Variants in PRKN observed in about 807,000 individuals in gnomAD.
The protein encoded by PRKN is E3 ubiquitin-protein ligase parkin.
Under a neutral mutation model 59.5 loss-of-function variants are expected in PRKN, and 56 were observed. That is an observed-to-expected ratio of 0.94 (90% CI 0.76 to 1.18). PRKN has a LOEUF of 1.18. PRKN is among the 50% of genes most tolerant of loss of function. The probability of loss-of-function intolerance (pLI) is 0.00; values close to 1 mark genes in which losing one functional copy is unlikely to be tolerated. For missense variants in PRKN, 657 were observed against 596.4 expected, an observed-to-expected ratio of 1.10 and a Z score of -1.06; for synonymous variants, 250 against 222.1, an observed-to-expected ratio of 1.13 and a Z score of -1.12.
intron 1 of PRKN, among the ~76,000 whole-genome samples, chr6:162,588,538 T>C (rs1781163578): frequency 6.6e-6 from 1 of 152,064 alleles, no homozygotes; most frequent in Non-Finnish European, 1.5e-5. Context: ...TGCTTTGCTT[T>C]ATTAGAGCAG....
chr6:161,655,873 C>G (rs1205559390), intron 7 of PRKN, among the ~76,000 whole-genome samples: 2 of 47,922 alleles, frequency 4.2e-5, no homozygotes, highest in Non-Finnish European at 8.6e-5. Flanking sequence ...CATGCACACA[C>G]ACACACACAC....
chr6:161,380,059 T>C lies in PRKN; in HGVS notation c.1167+6735A>G, dbSNP rs190380898. ...TTTCCTGGCTCCGTCTCCAGCCTAG[T>C]CTGTGGCCACAGCCACCATCACTTT... On this transcript the variant is annotated intron_variant, in intron 10 of 11. Coordinates refer to ENST00000366898, the MANE Select transcript of PRKN (RefSeq NM_004562.3). Among the ~76,000 whole-genome samples, 968 of 152,290 alleles carry C rather than the reference T, an allele frequency of 6.4e-3. 6 individuals are homozygous for C. Among genetic ancestry groups the C allele is most frequent in the Non-Finnish European group, 9.3e-3 (632 of 68,024 alleles).
chr6:162,035,558 T>C (rs547053946), intron 5 of PRKN, among the ~76,000 whole-genome samples: 35 of 152,308 alleles, frequency 2.3e-4, no homozygotes, highest in African/African-American at 7.2e-4. Context: ...TCAAACTTCA[T>C]AAAAAATTAT....
chr6:161,734,364 C>T (rs1787879599), intron 7 of PRKN, among the ~76,000 whole-genome samples: 1 of 152,140 alleles, frequency 6.6e-6, no homozygotes, highest in South Asian at 2.1e-4. Flanking sequence ...ATCTCCATCC[C>T]AAAATACGTT....
chr6:162,208,871 C>T (rs1785071233), intron 3 of PRKN, among the ~76,000 whole-genome samples: 1 of 152,026 alleles, frequency 6.6e-6, no homozygotes, highest in South Asian at 2.1e-4. Flanking sequence ...AGAGGCAGCA[C>T]CTATGGGAAA....
chr6:162,536,785 C>T (rs1778739885), intron 1 of PRKN, among the ~76,000 whole-genome samples: 1 of 152,106 alleles, frequency 6.6e-6, no homozygotes, highest in African/African-American at 2.4e-5. Context: ...TGAATAAACA[C>T]ATTTTTTTGA....
intron 6 of PRKN, among the ~76,000 whole-genome samples, chr6:161,813,429 G>A (rs1791644183): frequency 6.6e-6 from 1 of 152,218 alleles, no homozygotes; most frequent in African/African-American, 2.4e-5. Flanking sequence ...ACTCGGGGTA[G>A]CTGAGTTTCC....
At chr6:161,974,197 G>A (rs1780937635) in intron 5 of PRKN, among the ~76,000 whole-genome samples, 1 of 152,164 alleles carries the variant, frequency 6.6e-6, no homozygotes. Flanking sequence ...GCCCGGCTGA[G>A]GCAGGAGAAT....
At chr6:162,543,776 G>A (rs13214183) in intron 1 of PRKN, among the ~76,000 whole-genome samples, 1 of 151,932 alleles carries the variant, frequency 6.6e-6, no homozygotes, top group Non-Finnish European at 1.5e-5. Flanking sequence ...CTTAACTCCT[G>A]CCCAGGCCAA....
At position 162,276,771 on chromosome 6, in the gene PRKN, T is replaced by C. The variant is rs187921319; in HGVS notation, c.172-14006A>G. Among the ~76,000 whole-genome samples, 348 of 152,082 alleles carry C rather than the reference T, an allele frequency of 2.3e-3. 2 individuals carry two copies. Among genetic ancestry groups the C allele is most frequent in the African/African-American group, 8.1e-3 (335 of 41,530 alleles). On this transcript the variant is annotated intron_variant, in intron 2 of 11. Transcript: ENST00000366898. Reference sequence around the variant, plus strand: ...AGATAATTGATAGCATGTTATATACTTTTTTCGCTTAATTTCCCCTACAAT... The same window carrying C: ...AGATAATTGATAGCATGTTATATACCTTTTTCGCTTAATTTCCCCTACAAT...
At chr6:161,403,412 A>C (rs1450652810) in intron 9 of PRKN, among the ~76,000 whole-genome samples, 2 of 152,200 alleles carry the variant, frequency 1.3e-5, no homozygotes, top group African/African-American at 2.4e-5. Flanking sequence ...CCAAATTTTC[A>C]AAAGGCTAAT....
intron 7 of PRKN, among the ~76,000 whole-genome samples, chr6:161,738,268 A>G (rs1196417171): frequency 6.6e-6 from 1 of 152,166 alleles, no homozygotes; most frequent in Non-Finnish European, 1.5e-5. Context: ...AGGGGAAAAC[A>G]CCTTTGTCAC....
At chr6:162,246,740 G>A (rs538910631) in intron 3 of PRKN, among the ~76,000 whole-genome samples, 94 of 152,200 alleles carry the variant, frequency 6.2e-4, no homozygotes, top group Non-Finnish European at 1.1e-3. Context: ...TACTTAATCC[G>A]AACTTCTCGT....
rs1777850065 is a variant in PRKN at position 161,498,848 on chromosome 6, A to G, written c.1083+50006T>C. 6.6e-6 allele frequency among the ~76,000 whole-genome samples: 1 copy of G among 152,276 alleles called. No individual in the cohort carries two copies. The highest frequency in any genetic ancestry group is 1.9e-4 in the East Asian group (1 of 5,180). ...TTGGGAATTCTAGCGGCTACATTCT[A>G]TTTTTCAAGTGAAATATGCTTTGGA... is the stretch of plus-strand genomic sequence containing the variant. On this transcript the variant is annotated intron_variant, in intron 9 of 11. Transcript: ENST00000366898. The surrounding 1 kb of genome is among the most constrained non-coding windows in gnomAD (Gnocchi z 4.2).
intron 1 of PRKN, among the ~76,000 whole-genome samples, chr6:162,505,944 G>A (rs942774703): frequency 3.3e-5 from 5 of 152,158 alleles, no homozygotes; most frequent in African/African-American, 9.7e-5. Flanking sequence ...GAAGGTGTAA[G>A]GCAGGAGAGA....
intron 4 of PRKN, among the ~76,000 whole-genome samples, chr6:162,110,035 T>C (rs554404785): frequency 6.6e-6 from 1 of 152,370 alleles, no homozygotes; most frequent in African/African-American, 2.4e-5. Context: ...TGAATTCTGT[T>C]CATAAGTTTG....
intron 6 of PRKN, among the ~76,000 whole-genome samples, chr6:161,815,744 T>C (rs1791749756): frequency 6.6e-6 from 1 of 152,026 alleles, no homozygotes; most frequent in Non-Finnish European, 1.5e-5. Context: ...TCAGCAGACT[T>C]GCGGAATTGA....
intron 7 of PRKN, among the ~76,000 whole-genome samples, chr6:161,703,123 G>T (rs565604763): frequency 1.3e-5 from 2 of 151,402 alleles, no homozygotes; most frequent in Non-Finnish European, 2.9e-5. Flanking sequence ...TGGCAAACTA[G>T]TGAGACCTAT....
chr6:162,169,979 C>T (rs748257630), intron 4 of PRKN, among the ~76,000 whole-genome samples: 6 of 152,232 alleles, frequency 3.9e-5, no homozygotes, highest in Middle Eastern at 3.4e-3. Context: ...AGAATATCCT[C>T]GAGTAGGAAA....
Sources: allele counts gnomAD v4.1 joint callset (sites outside exome capture counted in the v4.1 genomes callset), GRCh38; gene constraint gnomAD v4.1.1; non-coding constraint Gnocchi (gnomAD v3.1); transcripts MANE v1.5; gene names NCBI Gene and HGNC (gene_info 2026-07-23, HGNC 2026-07-21).